SLC14A2: variants seen among roughly 807,000 people sequenced by gnomAD.
SLC14A2 encodes the protein urea transporter 2.
A neutral mutation model predicts 104.6 loss-of-function variants in SLC14A2; 91 were observed. That is an observed-to-expected ratio of 0.87 (90% CI 0.73 to 1.04). The LOEUF is 1.04. SLC14A2 is among the 50% of genes least tolerant of loss of function. The pLI, the probability that SLC14A2 is intolerant of heterozygous loss-of-function variation, is 0.00. For synonymous variants in SLC14A2, 476 were observed against 466.4 expected, an observed-to-expected ratio of 1.02 and a Z score of -0.27; for missense variants, 1,189 against 1,156.0, an observed-to-expected ratio of 1.03 and a Z score of -0.41.
chr18:45,212,290 T>C (rs2083968108), upstream of SLC14A2, among the ~76,000 whole-genome samples: 1 of 152,210 alleles, frequency 6.6e-6, no homozygotes, highest in Admixed American at 6.5e-5. Flanking sequence ...TAAGAAACTG[T>C]AGCAAGTCAA....
intron 1 of SLC14A2, among the ~76,000 whole-genome samples, chr18:45,432,328 C>T (rs1206996374): frequency 6.6e-6 from 1 of 152,152 alleles, no homozygotes; most frequent in African/African-American, 2.4e-5. Context: ...AATAAAGCTT[C>T]TGGTATAGGT....
intron 1 of SLC14A2, among the ~76,000 whole-genome samples, chr18:45,303,561 G>A (rs1034397531): frequency 1.3e-5 from 2 of 152,170 alleles, no homozygotes; most frequent in Non-Finnish European, 2.9e-5. Flanking sequence ...CTCTCGTCCT[G>A]GTGGCACATA....
intron 1 of SLC14A2, among the ~76,000 whole-genome samples, chr18:45,265,559 C>A (rs2084583889): frequency 6.6e-6 from 1 of 152,180 alleles, no homozygotes; most frequent in Admixed American, 6.6e-5. Flanking sequence ...TTGTAAAAGG[C>A]ACTTGGCTTG....
chr18:45,246,480 T>C (rs2084368451), intron 1 of SLC14A2, among the ~76,000 whole-genome samples: 1 of 152,340 alleles, frequency 6.6e-6, no homozygotes, highest in Admixed American at 6.5e-5. Context: ...ATTAGTATCT[T>C]ACAGTGATGT....
intron 1 of SLC14A2, among the ~76,000 whole-genome samples, chr18:45,474,698 G>C (rs2087323556): frequency 6.6e-6 from 1 of 152,104 alleles, no homozygotes; most frequent in Admixed American, 6.5e-5. Flanking sequence ...ATAGTAGTTT[G>C]CATTTCCGTA....
intron 1 of SLC14A2, among the ~76,000 whole-genome samples, chr18:45,405,239 T>G (rs949830003): frequency 9.9e-5 from 15 of 152,234 alleles, no homozygotes; most frequent in East Asian, 7.7e-4. Context: ...CTGGGGACCA[T>G]CTTTGGAGTT....
At chr18:45,389,963 T>C (rs2085942456) in intron 1 of SLC14A2, among the ~76,000 whole-genome samples, 1 of 152,210 alleles carries the variant, frequency 6.6e-6, no homozygotes, top group African/African-American at 2.4e-5. Context: ...CCTCTCAATT[T>C]TGCTAGAATG....
chr18:45,410,828 G>A (rs561842962), intron 1 of SLC14A2, among the ~76,000 whole-genome samples: 18 of 152,162 alleles, frequency 1.2e-4, no homozygotes, highest in Admixed American at 7.9e-4. Flanking sequence ...AGACTTCCTC[G>A]CTTAAGAAAA....
In SLC14A2 at chr18:45,226,037, G is replaced by A. The variant is rs531431845; in HGVS notation, c.-125+12846G>A. Among the ~76,000 whole-genome samples the A allele has an allele frequency of 1.4e-3, 216 of 152,252 alleles. 1 individual carries two copies. The highest frequency in any genetic ancestry group is 2.1e-3 in the Non-Finnish European group (143 of 68,022). Reference sequence around the variant, plus strand: ...TATGAACAGACACTTCTCAAAAGAAGACATTTATGCAGCCAAAAGACACAT... The same window carrying A: ...TATGAACAGACACTTCTCAAAAGAAAACATTTATGCAGCCAAAAGACACAT... On this transcript the variant is annotated intron_variant, in intron 1 of 20. Coordinates refer to the SLC14A2 transcript ENST00000586448.
intron 2 of SLC14A2, among the ~76,000 whole-genome samples, chr18:45,495,643 G>A (rs1355951407): frequency 1.3e-5 from 2 of 152,156 alleles, no homozygotes; most frequent in East Asian, 3.8e-4. Context: ...CATTGCCTAT[G>A]TTAGCCCCCT....
chr18:45,639,282 A>C (rs989003895), intron 6 of SLC14A2, among the ~76,000 whole-genome samples: 13 of 152,326 alleles, frequency 8.5e-5, no homozygotes, highest in African/African-American at 3.1e-4. Flanking sequence ...TCAAGCTCAG[A>C]GCCTCTAGCC....
intron 2 of SLC14A2, among the ~76,000 whole-genome samples, chr18:45,542,037 T>TTTTTTTTG (rs2043893122): frequency 2.6e-5 from 1 of 38,730 alleles, no homozygotes; most frequent in Non-Finnish European, 4.3e-5. Context: ...GAGAGAGGGT[T>TTTTTTTTG]TTTTTTTTTT....
At chr18:45,361,166 C>T (rs992237494) in intron 1 of SLC14A2, among the ~76,000 whole-genome samples, 1 of 152,174 alleles carries the variant, frequency 6.6e-6, no homozygotes, top group African/African-American at 2.4e-5. Flanking sequence ...TGATACAGCA[C>T]AGATGAAGTC....
intron 1 of SLC14A2, among the ~76,000 whole-genome samples, chr18:45,314,556 A>G (rs1021346327): frequency 1.3e-5 from 2 of 152,038 alleles, no homozygotes; most frequent in African/African-American, 4.8e-5. Context: ...TTGGGATATG[A>G]CCCTATGTCT....
At position 45,238,775 on chromosome 18, in the gene SLC14A2, A is replaced by G. The variant is rs2084282092; in HGVS notation, c.-125+25584A>G. Among the ~76,000 whole-genome samples the G allele has an allele frequency of 2.0e-5, 3 of 152,336 alleles. No homozygotes were observed. The South Asian group carries it at 6.2e-4, about 32-fold the overall frequency. On this transcript the variant is annotated intron_variant, in intron 1 of 20. Transcript: ENST00000586448. ...ACAACTAACGGCAATGTTGGCAGGGATAGAGGCACATTGTTGTTTCTAATT... is the reference window on the plus strand; with the variant it reads ...ACAACTAACGGCAATGTTGGCAGGGGTAGAGGCACATTGTTGTTTCTAATT...
chr18:45,601,415 C>T (rs1169146426), intron 2 of SLC14A2, among the ~76,000 whole-genome samples: 1 of 152,196 alleles, frequency 6.6e-6, no homozygotes, highest in Non-Finnish European at 1.5e-5. Context: ...CCCCTCTGGG[C>T]AACTGACTGA....
At chr18:45,535,862 G>T (rs1300931845) in intron 2 of SLC14A2, among the ~76,000 whole-genome samples, 1 of 152,112 alleles carries the variant, frequency 6.6e-6, no homozygotes, top group Non-Finnish European at 1.5e-5. Flanking sequence ...GCCATAGTTG[G>T]ACTTGGAACT....
intron 2 of SLC14A2, among the ~76,000 whole-genome samples, chr18:45,516,574 G>T (rs1383181724): frequency 1.3e-5 from 2 of 152,190 alleles, no homozygotes; most frequent in Non-Finnish European, 2.9e-5. Flanking sequence ...CCTTTTATAT[G>T]CAGGGGAGGA....
chr18:45,326,437 G>T (rs2085235149), intron 1 of SLC14A2, among the ~76,000 whole-genome samples: 1 of 152,058 alleles, frequency 6.6e-6, no homozygotes, highest in Non-Finnish European at 1.5e-5. Context: ...AAATGTATAG[G>T]AAAGCTACTG....
Sources: allele counts gnomAD v4.1 joint callset (sites outside exome capture counted in the v4.1 genomes callset), GRCh38; gene constraint gnomAD v4.1.1; transcripts MANE v1.5; gene names NCBI Gene and HGNC (gene_info 2026-07-23, HGNC 2026-07-21).